The following EXOC4 variants were observed in gnomAD, a reference collection of about 807,000 sequenced individuals.
EXOC4 encodes exocyst complex component 4.
A neutral mutation model predicts 107.2 loss-of-function variants in EXOC4; 71 were observed. The ratio of observed to expected loss-of-function variants is 0.66; its 90% CI spans 0.55 to 0.81. The LOEUF is 0.81. Ranked by LOEUF, EXOC4 falls within the 30% of genes least tolerant of loss-of-function variation. EXOC4 has a pLI of 0.00. For missense variants in EXOC4, 1,108 were observed against 1,189.6 expected (o/e 0.93, Z 1.01); for synonymous variants, 456 against 441.2 (o/e 1.03, Z -0.42).
At chr7:134,047,723 ATC>A (rs1563103847) in intron 17 of EXOC4, among the ~76,000 whole-genome samples, 8 of 152,074 alleles carry the variant, frequency 5.3e-5, no homozygotes, top group Non-Finnish European at 8.8e-5. Context: ...CCCTTTATTT[ATC>A]TGCCAAATTA....
intron 9 of EXOC4, among the ~76,000 whole-genome samples, chr7:133,572,074 GAAAATATACAGTGGTGTATAC>G (rs1290418827): frequency 6.6e-6 from 1 of 152,178 alleles, no homozygotes; most frequent in African/African-American, 2.4e-5. Context: ...GTTACTGGGT[GAAAATATACAGTGGTGTATAC>G]AAAATATACA....
intron 10 of EXOC4, among the ~76,000 whole-genome samples, chr7:133,754,051 G>A (rs1795848479): frequency 6.6e-6 from 1 of 152,154 alleles, no homozygotes; most frequent in Non-Finnish European, 1.5e-5. Flanking sequence ...TTGAATGGGG[G>A]CAAAACCAAA....
intron 10 of EXOC4, among the ~76,000 whole-genome samples, chr7:133,695,022 A>G (rs920895486): frequency 3.3e-5 from 5 of 152,068 alleles, no homozygotes; most frequent in African/African-American, 7.2e-5. Context: ...GAGTTTCTCT[A>G]TGTTGGTCAG....
intron 10 of EXOC4, among the ~76,000 whole-genome samples, chr7:133,787,472 A>T (rs1439628382): frequency 3.3e-5 from 5 of 151,810 alleles, no homozygotes; most frequent in African/African-American, 1.2e-4. Flanking sequence ...CCCTCAACAT[A>T]TAGGTGGTAG....
intron 11 of EXOC4, among the ~76,000 whole-genome samples, chr7:133,852,540 A>G (rs1798258480): frequency 2.0e-5 from 3 of 152,206 alleles, no homozygotes; most frequent in Admixed American, 2.0e-4. Context: ...AATTCAACAC[A>G]TATAGGTCTC....
At chr7:133,253,435 A>G in intron 1 of EXOC4, 1 of 1,245,888 alleles carries the variant, frequency 8.0e-7, no homozygotes, top group Non-Finnish European at 1.0e-6. Flanking sequence ...ACCTTCTATT[A>G]CAGTCTCGGG....
chr7:133,346,644 G>A (rs1795789689), intron 5 of EXOC4, among the ~76,000 whole-genome samples: 1 of 152,088 alleles, frequency 6.6e-6, no homozygotes, highest in African/African-American at 2.4e-5. Context: ...TAACTTGTTT[G>A]ATATTCTAGT....
intron 10 of EXOC4, among the ~76,000 whole-genome samples, chr7:133,722,471 A>T (rs1795125284): frequency 6.6e-6 from 1 of 152,044 alleles, no homozygotes; most frequent in African/African-American, 2.4e-5. Context: ...TTTTTTCCAC[A>T]GGGAAAGGGA....
intron 10 of EXOC4, among the ~76,000 whole-genome samples, chr7:133,712,439 CAAAAAAAAAAAAAAAA>C (rs58629398): frequency 6.6e-5 from 2 of 30,196 alleles, no homozygotes; most frequent in African/African-American, 1.4e-4. Context: ...AACTCTGTCT[CAAAAAAAAAAAAAAAA>C]AAAAAAAAAA....
chr7:133,642,617 C>G (rs189427290), intron 10 of EXOC4, among the ~76,000 whole-genome samples: 7 of 152,308 alleles, frequency 4.6e-5, no homozygotes, highest in Admixed American at 4.6e-4. Context: ...AGTTTCCTAA[C>G]TGGTTTCTGC....
chr7:133,402,703 C>G (rs889600208), intron 7 of EXOC4, among the ~76,000 whole-genome samples: 1 of 151,888 alleles, frequency 6.6e-6, no homozygotes, highest in African/African-American at 2.4e-5. Context: ...GGGGTTTCAC[C>G]TTGTTGGCCA....
At chr7:133,433,991 T>A (rs542757816) in intron 7 of EXOC4, among the ~76,000 whole-genome samples, 1 of 152,324 alleles carries the variant, frequency 6.6e-6, no homozygotes, top group South Asian at 2.1e-4. Flanking sequence ...AAAGATAGTA[T>A]CTTTAATTAT....
intron 14 of EXOC4, among the ~76,000 whole-genome samples, chr7:133,972,343 C>A (rs1801262297): frequency 6.6e-6 from 1 of 152,094 alleles, no homozygotes; most frequent in African/African-American, 2.4e-5. Context: ...TTTATGATTT[C>A]TACTTTCTCA....
chr7:133,974,675 G>A (rs957328085), intron 14 of EXOC4, among the ~76,000 whole-genome samples: 9 of 152,172 alleles, frequency 5.9e-5, no homozygotes, highest in Non-Finnish European at 7.3e-5. Context: ...CTGTTTTGGG[G>A]TTAACAGGCA....
At chr7:133,778,843 T>G (rs1356956513) in intron 10 of EXOC4, among the ~76,000 whole-genome samples, 1 of 152,230 alleles carries the variant, frequency 6.6e-6, no homozygotes, top group African/African-American at 2.4e-5. Flanking sequence ...ATGCTAACAT[T>G]GTTTTCCTTC....
At chr7:133,739,296 C>T (rs912565974) in intron 10 of EXOC4, among the ~76,000 whole-genome samples, 6 of 150,704 alleles carry the variant, frequency 4.0e-5, no homozygotes, top group African/African-American at 9.8e-5. Flanking sequence ...AACTTGACCT[C>T]GTTTAATTGT....
At chr7:134,039,725 C>G (rs1795471042) in intron 17 of EXOC4, among the ~76,000 whole-genome samples, 1 of 152,158 alleles carries the variant, frequency 6.6e-6, no homozygotes, top group African/African-American at 2.4e-5. Flanking sequence ...AGTTTACATG[C>G]AAAGCTCATC....
Position 133,649,578 on chromosome 7 carries a change from C to T in EXOC4, c.1514+19437C>T, listed in dbSNP as rs1803087247. Among the ~76,000 whole-genome samples the T allele has an allele frequency of 2.7e-5, 4 of 147,014 alleles. No homozygotes were observed. The South Asian group carries it at 8.7e-4, about 32-fold the overall frequency. On this transcript the variant is annotated intron_variant, in intron 10 of 17. Transcript: ENST00000253861. Reference sequence around the variant, plus strand: ...AATGGTGTACCCCATCAGAGTGTTTCTCTTGGCTTTCCTGTATGTAAACCT... The same window carrying T: ...AATGGTGTACCCCATCAGAGTGTTTTTCTTGGCTTTCCTGTATGTAAACCT...
intron 9 of EXOC4, among the ~76,000 whole-genome samples, chr7:133,573,052 T>C (rs1801057128): frequency 6.6e-6 from 1 of 152,198 alleles, no homozygotes; most frequent in South Asian, 2.1e-4. Context: ...ATATAGGTAA[T>C]TTGAAACTAT....
Sources: gnomAD v4.1 joint callset for allele counts (sites outside exome capture counted in the v4.1 genomes callset) on GRCh38, gnomAD v4.1.1 for gene constraint, MANE v1.5 for transcripts, NCBI Gene and HGNC (gene_info 2026-07-23, HGNC 2026-07-21) for gene names.